KIF3C: variants seen among roughly 807,000 people sequenced by gnomAD.
The protein encoded by KIF3C is kinesin-like protein KIF3C.
KIF3C carries 12 observed loss-of-function variants against 67.7 expected under a neutral mutation model. The observed-to-expected ratio is 0.18, with a 90% CI of 0.11 to 0.29. The LOEUF (loss-of-function observed/expected upper bound fraction) is 0.29. Ranked by LOEUF, KIF3C falls within the 10% of genes least tolerant of loss-of-function variation. The pLI is 1.00. For missense variants in KIF3C, 789 were observed against 1,059.6 expected, an observed-to-expected ratio of 0.74 and a Z score of 3.55; for synonymous variants, 393 against 426.2, an observed-to-expected ratio of 0.92 and a Z score of 0.96.
At chr2:25,962,889 A>AAT (rs1664004422) in intron 1 of KIF3C, among the ~76,000 whole-genome samples, 1 of 61,138 alleles carries the variant, frequency 1.6e-5, no homozygotes, top group Non-Finnish European at 2.8e-5. Context: ...AAATATATAT[A>AAT]ATATAAAATA....
rs1664527926 is a variant in KIF3C at position 25,980,235 on chromosome 2, C to T, written c.1545+138G>A. ...AATTTGCCTGGCTGCTCTGGGGGCA[C>T]ATTTGGCAGGAGGGCAGTGTGCGGT... is the stretch of plus-strand genomic sequence containing the variant. On this transcript the variant is annotated intron_variant, in intron 1 of 7. Coordinates refer to ENST00000264712, the MANE Select transcript of KIF3C (RefSeq NM_002254.8). This position sits in a 1 kb window ranked among gnomAD's most constrained non-coding sequence, Gnocchi z 7.6. The T allele has an allele frequency of 1.4e-6, 1 of 716,048 alleles. No individual in the cohort carries two copies. Among genetic ancestry groups the T allele is most frequent in the Non-Finnish European group, 2.3e-6 (1 of 441,058 alleles). 44.4% of individuals were successfully genotyped at this position (716,048 alleles called of 1,614,324 possible). A position where few individuals can be genotyped will look rare whatever the true frequency, so the allele number is the denominator to read the frequency against.
chr2:25,958,439 G>A lies in KIF3C; in HGVS notation c.1546-1995C>T, dbSNP rs918436574. ...CTACTAAAAAGACAAAAATTAGCTG[G>A]GTGTGGTGGCGTGCACCTGTAGTCC... On this transcript the variant is annotated intron_variant, in intron 1 of 7. Transcript: ENST00000264712. The surrounding 1 kb of genome is among the most constrained non-coding windows in gnomAD (Gnocchi z 4.5). Among the ~76,000 whole-genome samples the A allele has an allele frequency of 6.6e-6, 1 of 152,074 alleles. No individual in the cohort carries two copies. Among genetic ancestry groups the A allele is most frequent in the Non-Finnish European group, 1.5e-5 (1 of 67,994 alleles).
At chr2:25,930,389 C>T (rs1412825964) in intron 5 of KIF3C, among the ~76,000 whole-genome samples, 1 of 152,168 alleles carries the variant, frequency 6.6e-6, no homozygotes, top group Non-Finnish European at 1.5e-5. Context: ...GATGGAGTCT[C>T]ACTCTGTCAC....
At chr2:25,943,455 G>C (rs948071285) in intron 5 of KIF3C, among the ~76,000 whole-genome samples, 1 of 152,150 alleles carries the variant, frequency 6.6e-6, no homozygotes, top group Admixed American at 6.6e-5. Context: ...AATCACAACT[G>C]GGATTTCAAT....
chr2:25,962,838 TATATAATATATA>T (rs1489946814), intron 1 of KIF3C, among the ~76,000 whole-genome samples: 9 of 63,910 alleles, frequency 1.4e-4, no homozygotes, highest in East Asian at 2.8e-4. Flanking sequence ...ATATATAAAA[TATATAATATATA>T]ATATAATATA....
Position 25,956,457 on chromosome 2 carries a change from A to T in KIF3C, c.1546-13T>A. On this transcript the variant is annotated splice_polypyrimidine_tract_variant and intron_variant, in intron 1 of 7. Transcript: ENST00000264712. ...TGCTCTCCATGGCCTGGGGACACAG[A>T]GGGGTTGGGAGGTGGGCTTTGCAAA... 1 of 1,604,650 alleles carries T rather than the reference A, an allele frequency of 6.2e-7. No individual in the cohort carries two copies. The highest frequency in any genetic ancestry group is 8.5e-7 in the Non-Finnish European group (1 of 1,171,908).
rs555768973 is a variant in KIF3C at position 25,965,559 on chromosome 2, A to G, written c.1546-9115T>C. Among the ~76,000 whole-genome samples, 13 of 151,026 alleles carry G rather than the reference A, an allele frequency of 8.6e-5. No homozygotes were observed. The East Asian group carries it at 2.4e-3, about 28-fold the overall frequency. ...GTTCACTGCAGCCTGGATGTTCCAG[A>G]CTCAAGAGATCCTCCCACCTAAGCC... On this transcript the variant is annotated intron_variant, in intron 1 of 7. Transcript: ENST00000264712.
At chr2:25,965,505 C>T (rs918543372) in intron 1 of KIF3C, among the ~76,000 whole-genome samples, 3 of 151,862 alleles carry the variant, frequency 2.0e-5, no homozygotes, top group Admixed American at 1.3e-4. Context: ...CACGGGATCT[C>T]GCTCTGTTGT....
intron 5 of KIF3C, among the ~76,000 whole-genome samples, chr2:25,937,665 A>ACTGAGGCTCAGGGAG (rs1238220098): frequency 6.6e-5 from 10 of 152,204 alleles, no homozygotes; most frequent in African/African-American, 2.4e-4. Flanking sequence ...AGCAAAGAAG[A>ACTGAGGCTCAGGGAG]CTGAGGCTCA....
chr2:25,970,189 T>C (rs1664242427), intron 1 of KIF3C, among the ~76,000 whole-genome samples: 1 of 152,006 alleles, frequency 6.6e-6, no homozygotes, highest in South Asian at 2.1e-4. Context: ...GGCATTACAG[T>C]GTGGAGGTGA....
chr2:25,943,994 A>G (rs1663361177), intron 5 of KIF3C, among the ~76,000 whole-genome samples: 1 of 152,238 alleles, frequency 6.6e-6, no homozygotes, highest in Non-Finnish European at 1.5e-5. Flanking sequence ...CAGTGACAAA[A>G]AAATGAAAAA....
rs2090412125 is a variant in KIF3C at position 25,926,653 on chromosome 2, G to A, written c.*2325C>T. The A allele has an allele frequency of 6.6e-6, 1 of 152,190 alleles. No homozygotes were observed. The highest frequency in any genetic ancestry group is 2.4e-5 in the African/African-American group (1 of 41,438). 9.4% of individuals were successfully genotyped at this position (152,190 alleles called of 1,614,324 possible). A position where few individuals can be genotyped will look rare whatever the true frequency, so the allele number is the denominator to read the frequency against. ...ACTGCATTGATTGGAACAGGGCTGGGGCCTGCAAGCTGCTGGCAGCACCCA... is the reference window on the plus strand; with the variant it reads ...ACTGCATTGATTGGAACAGGGCTGGAGCCTGCAAGCTGCTGGCAGCACCCA... On this transcript the variant is annotated 3_prime_UTR_variant, in exon 8 of 8. Transcript: ENST00000264712.
rs187409431 is a variant in KIF3C at position 25,958,148 on chromosome 2, C to G, written c.1546-1704G>C. On this transcript the variant is annotated intron_variant, in intron 1 of 7. Transcript: ENST00000264712. This position sits in a 1 kb window ranked among gnomAD's most constrained non-coding sequence, Gnocchi z 4.5. ...CTCCTCAGTGCGGCTCCCACCACCC[C>G]CCATTTTTCATTCTCACTGCTACCT... Among the ~76,000 whole-genome samples the G allele has an allele frequency of 6.6e-6, 1 of 152,246 alleles. No homozygotes were observed. The highest frequency in any genetic ancestry group is 2.4e-5 in the African/African-American group (1 of 41,538).
intron 4 of KIF3C, among the ~76,000 whole-genome samples, chr2:25,953,323 TAC>T (rs988649678): frequency 1.3e-5 from 2 of 152,008 alleles, no homozygotes; most frequent in African/African-American, 4.8e-5. Context: ...AACTACTATA[TAC>T]ACACATTTTT....
Position 25,952,525 on chromosome 2 carries a change from A to ATG in KIF3C, c.1890-622_1890-621dup, listed in dbSNP as rs35756626. Among the ~76,000 whole-genome samples, 916 of 144,488 alleles carry ATG rather than the reference A, an allele frequency of 6.3e-3. 8 individuals carry two copies. The highest frequency in any genetic ancestry group is 0.012 in the African/African-American group (477 of 38,880). The allele number at this position is 144,488 out of a possible 152,430, so 94.8% of individuals were successfully genotyped here. On this transcript the variant is annotated intron_variant, in intron 4 of 7. Coordinates refer to ENST00000264712, the MANE Select transcript of KIF3C (RefSeq NM_002254.8). ...TAGTCAATAACTTAATTGTATATAT[A>ATG]TGTGTGTGTGTGTGTGTGTGTGTGT...
chr2:25,963,034 AATATAT>A (rs1553715969), intron 1 of KIF3C, among the ~76,000 whole-genome samples: 2 of 62,398 alleles, frequency 3.2e-5, no homozygotes, highest in Non-Finnish European at 5.3e-5. Flanking sequence ...TATAATATAT[AATATAT>A]AATATATAAA....
chr2:25,956,889 G>C (rs952563875), intron 1 of KIF3C, among the ~76,000 whole-genome samples: 8 of 152,194 alleles, frequency 5.3e-5, no homozygotes, highest in African/African-American at 1.7e-4. Context: ...AACACAGGCA[G>C]CAGGAAAGGG....
At chr2:25,938,599 T>G (rs1414852668) in intron 5 of KIF3C, among the ~76,000 whole-genome samples, 2 of 152,086 alleles carry the variant, frequency 1.3e-5, no homozygotes, top group Non-Finnish European at 2.9e-5. Flanking sequence ...ATGCCAGGGC[T>G]ATTCTGGGTG....
rs1237582976 is a variant in KIF3C, at chr2:25,951,897, A to G, written c.1898T>C (p.Ile633Thr). Residue 633 changes from isoleucine to threonine, a missense_variant, in exon 5 of 8, where the codon ATC (isoleucine) becomes ACC (threonine). By Grantham distance (89) the Ile-to-Thr change is moderately conservative. Coordinates refer to ENST00000264712, the MANE Select transcript of KIF3C (RefSeq NM_002254.8). ...QTRELKLKYL[I>T]IENFIPPEEK... ...CTCCGGCGGGATGAAGTTCTCGATGATTAGGTACCTGGGAGCAGGAATGAA... is the reference window on the plus strand; with the variant it reads ...CTCCGGCGGGATGAAGTTCTCGATGGTTAGGTACCTGGGAGCAGGAATGAA... The G allele has an allele frequency of 6.2e-7, 1 of 1,610,870 alleles. No homozygotes were observed. Among genetic ancestry groups the G allele is most frequent in the Non-Finnish European group, 8.5e-7 (1 of 1,177,170 alleles).
Sources: allele counts gnomAD v4.1 joint callset (sites outside exome capture counted in the v4.1 genomes callset), GRCh38; gene constraint gnomAD v4.1.1; non-coding constraint Gnocchi (gnomAD v3.1); transcripts MANE v1.5; gene names NCBI Gene and HGNC (gene_info 2026-07-23, HGNC 2026-07-21).